MLC1: variants seen among roughly 807,000 people sequenced by gnomAD.
The protein encoded by MLC1 is modulator of VRAC current 1, also known as membrane protein MLC1.
A neutral mutation model predicts 44.7 loss-of-function variants in MLC1; 32 were observed. That is an observed-to-expected ratio of 0.72 (90% CI 0.54 to 0.96). The LOEUF is 0.96. Among genes scored for constraint, MLC1 ranks in the 40% least tolerant of loss-of-function variants. The pLI, the probability that MLC1 is intolerant of heterozygous loss-of-function variation, is 0.00. For synonymous variants in MLC1, 190 were observed against 213.0 expected, an observed-to-expected ratio of 0.89 and a Z score of 0.94; for missense variants, 459 against 492.2, an observed-to-expected ratio of 0.93 and a Z score of 0.64.
chr22:50,074,362 A>C, intron 7 of MLC1, 30 bp from the exon 8 acceptor site: 1 of 1,571,642 alleles, frequency 6.4e-7, no homozygotes, highest in South Asian at 1.1e-5. Flanking sequence ...ATCGGCTCAT[A>C]AGGAAGTGGA....
At chr22:50,077,167 G>A (rs1342476696) in intron 6 of MLC1, among the ~76,000 whole-genome samples, 1 of 152,194 alleles carries the variant, frequency 6.6e-6, no homozygotes, top group Admixed American at 6.5e-5. Flanking sequence ...CTTAGGGGGA[G>A]GGGAGGGTAC....
intron 7 of MLC1, among the ~76,000 whole-genome samples, chr22:50,075,723 A>G (rs1569247790): frequency 6.6e-6 from 1 of 151,960 alleles, no homozygotes; most frequent in South Asian, 2.1e-4. Flanking sequence ...AAAAGGAAAA[A>G]AAAAAAAGAA....
chr22:50,070,617 A>G (rs2061828195), intron 8 of MLC1, 34 bp from the exon 9 acceptor site: 1 of 1,545,290 alleles, frequency 6.5e-7, no homozygotes, highest in Non-Finnish European at 8.8e-7. Context: ...ATTTTAGAGG[A>G]AATAGTCGAA....
intron 11 of MLC1, among the ~76,000 whole-genome samples, chr22:50,061,965 T>C (rs2061569300): frequency 6.6e-6 from 1 of 152,168 alleles, no homozygotes; most frequent in African/African-American, 2.4e-5. Context: ...CCGCCCAAGG[T>C]TGGGCATGTG....
rs1602065016 is a variant in MLC1, at chr22:50,083,365, A to T, written c.178-192T>A. Among the ~76,000 whole-genome samples, 1 of 152,024 alleles carries T rather than the reference A, an allele frequency of 6.6e-6. No individual in the cohort carries two copies. The highest frequency in any genetic ancestry group is 1.5e-5 in the Non-Finnish European group (1 of 68,004). ...GACAGACGCAGCCCCGCCGCAGCCC[A>T]GGACATGGACCAGCCTCCCCCAGCC... On this transcript the variant is annotated intron_variant, in intron 2 of 11. Transcript: ENST00000311597. This position sits in a 1 kb window ranked among gnomAD's most constrained non-coding sequence, Gnocchi z 4.6.
At chr22:50,061,868 CG>C (rs2061566442) in intron 11 of MLC1, among the ~76,000 whole-genome samples, 1 of 152,212 alleles carries the variant, frequency 6.6e-6, no homozygotes. Flanking sequence ...CATCCCCCCC[CG>C]CACACACGGT....
At chr22:50,067,774 C>CA (rs2061744970) in intron 10 of MLC1, among the ~76,000 whole-genome samples, 1 of 94,678 alleles carries the variant, frequency 1.1e-5, no homozygotes, top group Admixed American at 1.2e-4. Flanking sequence ...TGACTCCATC[C>CA]CCCATCAGAC....
chr22:50,084,682 C>G (rs1195075146), intron 2 of MLC1, 44 bp downstream of exon 2: 1 of 1,604,064 alleles, frequency 6.2e-7, no homozygotes, highest in Non-Finnish European at 8.5e-7. Context: ...CCAGAGGGAC[C>G]AGATGCTCGT....
At chr22:50,085,092 C>A in intron 1 of MLC1, 131 bp from the exon 2 acceptor site, 1 of 1,448,218 alleles carries the variant, frequency 6.9e-7, no homozygotes, top group Non-Finnish European at 9.1e-7. Context: ...AAAATGAGCA[C>A]TTGAATCTAA....
rs916549422 is a variant in MLC1 at position 50,083,051 on chromosome 22, G to A, written c.267+33C>T. ...ACCAGAGCACGTGCCGGCGAGCTTG[G>A]GCACTGGCAGAGGCGTGGAGGAAGC... On this transcript the variant is annotated intron_variant, in intron 3 of 11. Coordinates refer to ENST00000311597, the MANE Select transcript of MLC1 (RefSeq NM_015166.4). The surrounding 1 kb of genome is among the most constrained non-coding windows in gnomAD (Gnocchi z 4.6). 6.2e-7 allele frequency: 1 copy of A among 1,601,730 alleles called. No homozygotes were observed. The highest frequency in any genetic ancestry group is 8.6e-7 in the Non-Finnish European group (1 of 1,169,054).
chr22:50,067,829 A>ACAGTGACTCCATCCCCCCATCAGG (rs2061748322), intron 10 of MLC1, among the ~76,000 whole-genome samples: 1 of 79,940 alleles, frequency 1.3e-5, no homozygotes, highest in African/African-American at 4.7e-5. Context: ...CCCCCATCAG[A>ACAGTGACTCCATCCCCCCATCAGG]CAGTGACTCC....
rs1012795967 is a variant in MLC1 at position 50,059,907 on chromosome 22, C to T, written c.*1676G>A. On this transcript the variant is annotated 3_prime_UTR_variant, in exon 12 of 12. Transcript: ENST00000311597. ...TCAATGGTTGAAAATAATGATTCCA[C>T]TTGTCATGAACACCATGAAGGTATC... is the stretch of plus-strand genomic sequence containing the variant. 6.6e-6 allele frequency: 1 copy of T among 152,332 alleles called. No individual in the cohort carries two copies. The highest frequency in any genetic ancestry group is 2.4e-5 in the African/African-American group (1 of 41,462). 9.4% of individuals were successfully genotyped at this position (152,332 alleles called of 1,614,324 possible). A position where few individuals can be genotyped will look rare whatever the true frequency, so the allele number is the denominator to read the frequency against.
chr22:50,078,736 CA>C (rs879341455), intron 5 of MLC1, among the ~76,000 whole-genome samples: 2,549 of 95,640 alleles, frequency 0.027, 49 homozygotes, highest in African/African-American at 0.079. Context: ...GAGACTGTCT[CA>C]AAAAAAAAAA....
intron 8 of MLC1, among the ~76,000 whole-genome samples, chr22:50,071,341 C>G (rs1470065129): frequency 6.6e-6 from 1 of 152,216 alleles, no homozygotes; most frequent in Non-Finnish European, 1.5e-5. Flanking sequence ...ATCCGCCCGC[C>G]TCGGCCTCCC....
chr22:50,074,430 C>A, intron 7 of MLC1, 98 bp from the exon 8 acceptor site: 1 of 1,111,008 alleles, frequency 9.0e-7, no homozygotes, highest in Non-Finnish European at 1.4e-6. Context: ...GAGCAGGGTC[C>A]AGTGGGCTGG....
At chr22:50,076,270 A>T (rs560279885) in intron 7 of MLC1, among the ~76,000 whole-genome samples, 2 of 152,262 alleles carry the variant, frequency 1.3e-5, no homozygotes, top group South Asian at 4.1e-4. Flanking sequence ...AGAAGGAGAA[A>T]GAGGCCAGGT....
Position 50,068,683 on chromosome 22 carries a change from C to A in MLC1, c.772-128G>T, listed in dbSNP as rs2061774361. On this transcript the variant is annotated intron_variant, in intron 9 of 11. Transcript: ENST00000311597. ...GGCATAGTCCCAAGCTGGTTCCCTG[C>A]ATGACTCCTGCTGAAACCTCTGCCT... 5.0e-6 allele frequency: 5 copies of A among 1,005,806 alleles called. 1 individual carries two copies. Among genetic ancestry groups the A allele is most frequent in the Non-Finnish European group, 7.7e-6 (5 of 653,518 alleles). 62.3% of individuals were successfully genotyped at this position (1,005,806 alleles called of 1,614,324 possible).
At chr22:50,078,282 C>T (rs952500106) in intron 5 of MLC1, among the ~76,000 whole-genome samples, 4 of 151,836 alleles carry the variant, frequency 2.6e-5, no homozygotes, top group South Asian at 2.1e-4. Flanking sequence ...TGAGCCACCG[C>T]GCCCGGCCTG....
intron 8 of MLC1, among the ~76,000 whole-genome samples, chr22:50,073,550 GCAAAA>G (rs2061909204): frequency 6.6e-6 from 1 of 152,120 alleles, no homozygotes; most frequent in Non-Finnish European, 1.5e-5. Flanking sequence ...GGCCAACATG[GCAAAA>G]CCCGGTCTCT....
Sources: gnomAD v4.1 joint callset for allele counts (sites outside exome capture counted in the v4.1 genomes callset) on GRCh38, gnomAD v4.1.1 for gene constraint, Gnocchi (gnomAD v3.1) non-coding constraint, MANE v1.5 for transcripts, NCBI Gene and HGNC (gene_info 2026-07-23, HGNC 2026-07-21) for gene names.